Variants in DDX46 observed in about 807,000 individuals in gnomAD.
DDX46 encodes the protein DEAD-box helicase 46, also known as probable ATP-dependent RNA helicase DDX46.
In DDX46, 30 loss-of-function variants were observed where a neutral mutation model predicts 134.9. The ratio of observed to expected loss-of-function variants is 0.22; its 90% CI spans 0.17 to 0.30. The LOEUF (loss-of-function observed/expected upper bound fraction) is 0.30, where lower values mean the gene tolerates loss of function less well. Among genes scored for constraint, DDX46 ranks in the 10% least tolerant of loss-of-function variants. The pLI is 1.00. For synonymous variants in DDX46, 415 were observed against 404.1 expected (o/e 1.03, Z -0.32); for missense variants, 622 against 1,248.7 (o/e 0.50, Z 7.56).
chr5:134,774,149 C>CTA (rs771642427), intron 5 of DDX46, among the ~76,000 whole-genome samples: 2 of 152,148 alleles, frequency 1.3e-5, no homozygotes, highest in Non-Finnish European at 2.9e-5. Context: ...GACCTTTGCT[C>CTA]TATTTTCTGT....
intron 4 of DDX46, 69 bp from the exon 5 acceptor site, chr5:134,773,627 A>G: frequency 1.4e-6 from 2 of 1,479,014 alleles, no homozygotes; most frequent in South Asian, 1.4e-5. Flanking sequence ...TGTCACTTGG[A>G]GCAAAATTAT....
At chr5:134,810,984 C>G (rs1040181624) in intron 16 of DDX46, among the ~76,000 whole-genome samples, 14 of 152,080 alleles carry the variant, frequency 9.2e-5, no homozygotes, top group African/African-American at 2.9e-4. Context: ...CCAGCCTGGG[C>G]AACAGAGTGA....
Position 134,807,749 on chromosome 5 carries a change from C to T in DDX46, c.1956C>T (p.Gly652=). 6.2e-7 allele frequency: 1 copy of T among 1,607,618 alleles called. No homozygotes were observed. The highest frequency in any genetic ancestry group is 8.5e-7 in the Non-Finnish European group (1 of 1,176,232). The change falls in exon 16 of 23, where the codon GGC becomes GGT. Residue 652 remains glycine, a splice_region_variant and synonymous_variant. Coordinates refer to ENST00000452510, the MANE Select transcript of DDX46 (RefSeq NM_001300860.2). Reference sequence around the variant, plus strand: ...TAAAGCTCTCTAATTTACTTGCAGGCATTGATCAATATGACAGAGATAGCA... The same window carrying T: ...TAAAGCTCTCTAATTTACTTGCAGGTATTGATCAATATGACAGAGATAGCA... ...ASYPCMSLHG[G]IDQYDRDSII...
chr5:134,814,885 G>A (rs1580816105), intron 18 of DDX46, among the ~76,000 whole-genome samples: 3 of 152,226 alleles, frequency 2.0e-5, no homozygotes, highest in African/African-American at 7.2e-5. Flanking sequence ...CAAAATGCTG[G>A]GATTATAGGC....
chr5:134,777,557 G>A lies in DDX46; in HGVS notation c.614-17G>A, dbSNP rs747250719. ...TTTTAAACAGATGTTTAAAGAATGT[G>A]TATTCTGGTATTTTAGATGACGAAG... On this transcript the variant is annotated splice_polypyrimidine_tract_variant and intron_variant, in intron 5 of 22. Coordinates refer to ENST00000452510, the MANE Select transcript of DDX46 (RefSeq NM_001300860.2). The A allele has an allele frequency of 6.2e-7, 1 of 1,611,950 alleles. No individual in the cohort carries two copies. The highest frequency in any genetic ancestry group is 1.7e-5 in the Admixed American group (1 of 59,312).
chr5:134,778,843 G>C (rs906934985), intron 6 of DDX46, among the ~76,000 whole-genome samples: 4 of 151,512 alleles, frequency 2.6e-5, no homozygotes, highest in African/African-American at 4.9e-5. Context: ...CAAAGTACTG[G>C]GATTACAGGC....
At chr5:134,818,131 G>A (rs1755333045) in intron 20 of DDX46, among the ~76,000 whole-genome samples, 1 of 151,446 alleles carries the variant, frequency 6.6e-6, no homozygotes, top group Non-Finnish European at 1.5e-5. Flanking sequence ...TGTATTTTTA[G>A]TATTTTTAGT....
chr5:134,806,272 A>G (rs1458103366), intron 15 of DDX46, among the ~76,000 whole-genome samples: 2 of 151,958 alleles, frequency 1.3e-5, no homozygotes, highest in Non-Finnish European at 2.9e-5. Context: ...GGTTTACACC[A>G]AGCACAATTC....
intron 12 of DDX46, chr5:134,789,172 A>G (rs1205452284): frequency 6.6e-6 from 1 of 152,128 alleles, no homozygotes; most frequent in African/African-American, 2.4e-5. Context: ...CCCTATCAAA[A>G]CTCTTACTAA....
intron 4 of DDX46, 108 bp downstream of exon 4, chr5:134,771,107 T>C (rs1580776578): frequency 1.7e-6 from 1 of 580,544 alleles, no homozygotes; most frequent in Non-Finnish European, 3.0e-6. Flanking sequence ...TTCTTTCTTT[T>C]CTGTCTGTCT....
Position 134,807,735 on chromosome 5 carries a change from A to C in DDX46, c.1955-13A>C, listed in dbSNP as rs771427936. 3 of 1,599,976 alleles carry C rather than the reference A, an allele frequency of 1.9e-6. No homozygotes were observed. The highest frequency in any genetic ancestry group is 1.7e-6 in the Non-Finnish European group (2 of 1,171,592). On this transcript the variant is annotated splice_polypyrimidine_tract_variant and intron_variant, in intron 15 of 22. Transcript: ENST00000452510. The stretch of plus-strand genomic sequence containing the variant: ...ATTTGAACATGTTTTAAAGCTCTCT[A>C]ATTTACTTGCAGGCATTGATCAATA...
chr5:134,801,974 A>C (rs1754841581), intron 15 of DDX46, among the ~76,000 whole-genome samples: 1 of 151,950 alleles, frequency 6.6e-6, no homozygotes, highest in Non-Finnish European at 1.5e-5. Context: ...TAACTTCTAG[A>C]ATCTGTAAAT....
chr5:134,768,962 G>A (rs1398963953), intron 3 of DDX46, among the ~76,000 whole-genome samples: 1 of 152,070 alleles, frequency 6.6e-6, no homozygotes, highest in African/African-American at 2.4e-5. Context: ...GGAGGCTGAG[G>A]CAGGAGAATC....
chr5:134,764,691 A>G (rs557306172), intron 2 of DDX46, among the ~76,000 whole-genome samples: 2 of 152,288 alleles, frequency 1.3e-5, no homozygotes, highest in South Asian at 4.1e-4. Flanking sequence ...AAGTAAAGTA[A>G]TAAGTTATAT....
At chr5:134,781,024 A>C (rs987169781) in intron 6 of DDX46, 109 bp from the exon 7 acceptor site, 1 of 779,350 alleles carries the variant, frequency 1.3e-6, no homozygotes. Flanking sequence ...TGTCACTAAA[A>C]AAAGAAAAAA....
intron 15 of DDX46, among the ~76,000 whole-genome samples, chr5:134,804,518 G>T (rs918555977): frequency 1.6e-4 from 24 of 151,982 alleles, no homozygotes; most frequent in African/African-American, 5.6e-4. Flanking sequence ...GCTTACTGTA[G>T]CCTGAACCTC....
At chr5:134,821,872 A>G (rs767198940) in intron 21 of DDX46, among the ~76,000 whole-genome samples, 7 of 145,332 alleles carry the variant, frequency 4.8e-5, no homozygotes, top group East Asian at 2.1e-4. Context: ...TTCTTTTGCT[A>G]TATGTATTTT....
intron 21 of DDX46, among the ~76,000 whole-genome samples, chr5:134,821,450 T>A (rs1340722144): frequency 6.6e-6 from 1 of 152,004 alleles, no homozygotes; most frequent in East Asian, 1.9e-4. Context: ...GTGTTGGGAT[T>A]ACAGGCATGA....
intron 15 of DDX46, among the ~76,000 whole-genome samples, chr5:134,806,819 A>G (rs1454873887): frequency 7.2e-5 from 11 of 152,182 alleles, no homozygotes; most frequent in Non-Finnish European, 1.6e-4. Context: ...TGGGAACCTC[A>G]TCATAAAATA....
Sources: gnomAD v4.1 joint callset for allele counts (sites outside exome capture counted in the v4.1 genomes callset) on GRCh38, gnomAD v4.1.1 for gene constraint, MANE v1.5 for transcripts, NCBI Gene and HGNC (gene_info 2026-07-23, HGNC 2026-07-21) for gene names.